MANBA: variants seen among roughly 807,000 people sequenced by gnomAD.
The protein encoded by MANBA is mannosidase beta.
MANBA carries 83 observed loss-of-function variants against 111.1 expected under a neutral mutation model. The ratio of observed to expected loss-of-function variants is 0.75; its 90% CI spans 0.63 to 0.90. The LOEUF is 0.90. MANBA is among the 40% of genes least tolerant of loss of function. The probability of loss-of-function intolerance (pLI) is 0.00; values close to 1 mark genes in which losing one functional copy is unlikely to be tolerated. For synonymous variants in MANBA, 370 were observed against 378.7 expected (o/e 0.98, Z 0.27); for missense variants, 1,036 against 1,069.0 (o/e 0.97, Z 0.43).
chr4:102,720,291 C>T (rs541342288), intron 4 of MANBA, among the ~76,000 whole-genome samples: 28 of 152,166 alleles, frequency 1.8e-4, no homozygotes, highest in African/African-American at 6.0e-4. Flanking sequence ...AAAAATTAGC[C>T]GGGCATGGTG....
chr4:102,747,124 TAGTC>T (rs1049534435), intron 1 of MANBA, among the ~76,000 whole-genome samples: 8 of 151,472 alleles, frequency 5.3e-5, no homozygotes, highest in Non-Finnish European at 7.4e-5. Flanking sequence ...AAATCTGTAT[TAGTC>T]AGGGTTCTCT....
chr4:102,676,027 T>C (rs1194564184), intron 7 of MANBA, among the ~76,000 whole-genome samples: 1 of 152,126 alleles, frequency 6.6e-6, no homozygotes, highest in Non-Finnish European at 1.5e-5. Flanking sequence ...TGTCTATATC[T>C]GAGGATGCTG....
At chr4:102,641,444 A>G (rs1560742307) in intron 13 of MANBA, among the ~76,000 whole-genome samples, 2 of 152,212 alleles carry the variant, frequency 1.3e-5, no homozygotes, top group Admixed American at 6.5e-5. Context: ...GACTGAGACT[A>G]CTGAAGGAGG....
intron 16 of MANBA, chr4:102,633,615 T>C (rs1451152022): frequency 5.1e-6 from 2 of 394,728 alleles, no homozygotes; most frequent in Non-Finnish European, 8.9e-6. Flanking sequence ...GAAGGACAAG[T>C]CTCACTGAAA....
Position 102,647,429 on chromosome 4 carries a change from A to G in MANBA, c.1869+3108T>C, listed in dbSNP as rs372058203. Among the ~76,000 whole-genome samples, 6 of 151,534 alleles carry G rather than the reference A, an allele frequency of 4.0e-5. No individual in the cohort carries two copies. The South Asian group carries it at 6.3e-4, about 16-fold the overall frequency. ...TCCTAACTATGGACCTTGAATGCTGATAAGTTCAGAAAAGAAAAATTATTT... is the reference window on the plus strand; with the variant it reads ...TCCTAACTATGGACCTTGAATGCTGGTAAGTTCAGAAAAGAAAAATTATTT... On this transcript the variant is annotated intron_variant, in intron 13 of 16. Transcript: ENST00000647097.
Position 102,635,002 on chromosome 4 carries a change from C to G in MANBA, c.2201G>C (p.Arg734Pro), listed in dbSNP as rs143630504. Residue 734 changes from arginine (R) to proline (P), a missense_variant, in exon 16 of 17, where the codon CGT becomes CCT. Physicochemically the swap from Arg to Pro is moderately radical, Grantham distance 103. Transcript: ENST00000647097. ...TWSSLEPVCS[R>P]VTERFVMKGG... ...TTTCATCACAAAACGTTCAGTCACACGAGAGCACACGGGCTCCAGGGAGCT... is the reference window on the plus strand; with the variant it reads ...TTTCATCACAAAACGTTCAGTCACAGGAGAGCACACGGGCTCCAGGGAGCT... 2.5e-6 allele frequency: 4 copies of G among 1,614,070 alleles called. No individual in the cohort carries two copies. In the African/African-American group the frequency reaches 4.0e-5, roughly 16 times the overall value.
At chr4:102,706,878 A>G (rs1733321484) in intron 5 of MANBA, among the ~76,000 whole-genome samples, 1 of 152,172 alleles carries the variant, frequency 6.6e-6, no homozygotes, top group South Asian at 2.1e-4. Context: ...CAGTCAAACA[A>G]AACTTTTTTA....
rs528165947 is a variant in MANBA, at chr4:102,738,472, C to T, written c.178-11789G>A. ...GCATCAGCCTGCAGGCCAGTAGCTCCGCTGGGTGGCTAGACTCACAAGGGC... is the reference window on the plus strand; with the variant it reads ...GCATCAGCCTGCAGGCCAGTAGCTCTGCTGGGTGGCTAGACTCACAAGGGC... On this transcript the variant is annotated intron_variant, in intron 1 of 16. Transcript: ENST00000647097. 6.6e-4 allele frequency among the ~76,000 whole-genome samples: 101 copies of T among 152,312 alleles called. 1 individual carries two copies. The highest frequency in any genetic ancestry group is 2.2e-3 in the African/African-American group (92 of 41,572).
chr4:102,701,028 T>C (rs1037855773), intron 5 of MANBA, among the ~76,000 whole-genome samples: 4 of 152,098 alleles, frequency 2.6e-5, no homozygotes, highest in Non-Finnish European at 5.9e-5. Flanking sequence ...ACTTGCTTTA[T>C]GAATCTGGGT....
intron 13 of MANBA, among the ~76,000 whole-genome samples, chr4:102,648,807 T>C (rs1263214056): frequency 3.9e-5 from 6 of 152,068 alleles, no homozygotes; most frequent in Non-Finnish European, 5.9e-5. Flanking sequence ...CATGCACACA[T>C]CCATGTGACT....
chr4:102,727,349 A>G (rs991732993), intron 1 of MANBA: 3 of 719,184 alleles, frequency 4.2e-6, no homozygotes, highest in Non-Finnish European at 7.5e-6. Flanking sequence ...ATTGGTCTGT[A>G]TCCCATTCTG....
At chr4:102,747,152 T>C (rs572995605) in intron 1 of MANBA, among the ~76,000 whole-genome samples, 1 of 150,192 alleles carries the variant, frequency 6.7e-6, no homozygotes, top group East Asian at 1.9e-4. Context: ...GGGACAGAAC[T>C]AATGGGATAT....
intron 2 of MANBA, among the ~76,000 whole-genome samples, chr4:102,725,525 T>A (rs1249665566): frequency 6.6e-6 from 1 of 152,188 alleles, no homozygotes; most frequent in Non-Finnish European, 1.5e-5. Flanking sequence ...TCAGCTGTAT[T>A]TTCACAGACA....
intron 7 of MANBA, among the ~76,000 whole-genome samples, chr4:102,687,530 C>G (rs774127113): frequency 3.3e-5 from 5 of 152,164 alleles, no homozygotes; most frequent in Non-Finnish European, 7.4e-5. Context: ...ATTTCTTTCA[C>G]TTCTGCAAAC....
chr4:102,723,143 G>A (rs796964710), intron 3 of MANBA, 102 bp from the exon 4 acceptor site: 2 of 1,037,516 alleles, frequency 1.9e-6, no homozygotes, highest in African/African-American at 3.2e-5. Flanking sequence ...ATAATATAAT[G>A]CCGATCTAGG....
At chr4:102,687,767 A>G (rs1486436855) in intron 7 of MANBA, among the ~76,000 whole-genome samples, 1 of 152,192 alleles carries the variant, frequency 6.6e-6, no homozygotes, top group Non-Finnish European at 1.5e-5. Flanking sequence ...TAGTTCTACT[A>G]AGGTCTCAGA....
At chr4:102,694,022 C>T (rs1444464379) in intron 5 of MANBA, among the ~76,000 whole-genome samples, 2 of 152,186 alleles carry the variant, frequency 1.3e-5, no homozygotes, top group East Asian at 3.8e-4. Context: ...TTTTCTGTTA[C>T]TTCTTCTTTA....
chr4:102,731,198 A>G (rs1723022979), intron 1 of MANBA, among the ~76,000 whole-genome samples: 1 of 152,154 alleles, frequency 6.6e-6, no homozygotes, highest in African/African-American at 2.4e-5. Context: ...AAAAAAAAAA[A>G]AGATTGGCTT....
chr4:102,687,648 A>T (rs991858188), intron 7 of MANBA, among the ~76,000 whole-genome samples: 1 of 152,132 alleles, frequency 6.6e-6, no homozygotes, highest in Non-Finnish European at 1.5e-5. Flanking sequence ...GGCTCTGGGA[A>T]TCTTCCCAGA....
Sources: allele counts gnomAD v4.1 joint callset (sites outside exome capture counted in the v4.1 genomes callset), GRCh38; gene constraint gnomAD v4.1.1; transcripts MANE v1.5; gene names NCBI Gene and HGNC (gene_info 2026-07-23, HGNC 2026-07-21).